Variants in PRR11 observed in about 807,000 individuals in gnomAD.
PRR11 encodes proline-rich protein 11.
In PRR11, 30 loss-of-function variants were observed where a neutral mutation model predicts 45.6. The observed-to-expected ratio is 0.66, with a 90% confidence interval of 0.49 to 0.89. The LOEUF is 0.89. Ranked by LOEUF, PRR11 falls within the 40% of genes least tolerant of loss-of-function variation. The probability of loss-of-function intolerance (pLI) is 0.00; values close to 1 mark genes in which losing one functional copy is unlikely to be tolerated. For missense variants in PRR11, 373 were observed against 424.8 expected (o/e 0.88, Z 1.07); for synonymous variants, 128 against 153.5 (o/e 0.83, Z 1.23).
chr17:59,194,027 C>G (rs980814719), intron 5 of PRR11, among the ~76,000 whole-genome samples: 4 of 152,020 alleles, frequency 2.6e-5, no homozygotes, highest in Non-Finnish European at 5.9e-5. Flanking sequence ...CCCTAGGAAA[C>G]CAAATTTAGA....
intron 8 of PRR11, 21 bp downstream of exon 8, chr17:59,197,624 T>C: frequency 6.2e-7 from 1 of 1,612,108 alleles, no homozygotes. Flanking sequence ...CTCATATCTT[T>C]ATGCCTTCTA....
chr17:59,189,858 G>A (rs2046832885), intron 4 of PRR11, among the ~76,000 whole-genome samples: 1 of 151,970 alleles, frequency 6.6e-6, no homozygotes, highest in Non-Finnish European at 1.5e-5. Context: ...GCTGGTCATG[G>A]CATACACACC....
At chr17:59,175,383 G>T (rs2046738491) in intron 2 of PRR11, among the ~76,000 whole-genome samples, 1 of 152,234 alleles carries the variant, frequency 6.6e-6, no homozygotes. Context: ...CCAGCACATT[G>T]GGAGGCTGAG....
intron 2 of PRR11, among the ~76,000 whole-genome samples, chr17:59,176,075 G>A (rs2046743625): frequency 6.6e-6 from 1 of 152,126 alleles, no homozygotes; most frequent in African/African-American, 2.4e-5. Context: ...GCAAGATGAG[G>A]GAAGGCATCA....
intron 4 of PRR11, among the ~76,000 whole-genome samples, chr17:59,186,414 T>A (rs1029332658): frequency 3.3e-4 from 45 of 136,346 alleles, no homozygotes; most frequent in African/African-American, 1.3e-3. Context: ...TTTTTTTTTT[T>A]AGACAGAATC....
rs143028505 is a variant in PRR11, at chr17:59,155,794, G to A, written c.-17G>A. ...AGCCCGGACTCCATCGACTCCCCCGGCTCTTAGACTAGTAAGTGCAGGAAC... is the reference window on the plus strand; with the variant it reads ...AGCCCGGACTCCATCGACTCCCCCGACTCTTAGACTAGTAAGTGCAGGAAC... On this transcript the variant is annotated 5_prime_UTR_variant, in exon 1 of 10. Coordinates refer to ENST00000262293, the MANE Select transcript of PRR11 (RefSeq NM_018304.4). 740 of 158,342 alleles carry A rather than the reference G, an allele frequency of 4.7e-3. 4 individuals are homozygous for A. The highest frequency in any genetic ancestry group is 0.017 in the African/African-American group (700 of 41,564). 9.8% of individuals were successfully genotyped at this position (158,342 alleles called of 1,614,324 possible). A position where few individuals can be genotyped will look rare whatever the true frequency, so the allele number is the denominator to read the frequency against.
intron 4 of PRR11, among the ~76,000 whole-genome samples, chr17:59,186,669 G>T (rs2046815886): frequency 6.6e-6 from 1 of 152,014 alleles, no homozygotes; most frequent in Non-Finnish European, 1.5e-5. Context: ...TGTTGGGATT[G>T]CAGGCGTGAG....
rs560762015 is a variant in PRR11 at position 59,204,257 on chromosome 17, G to T, written c.*2626G>T. The stretch of plus-strand genomic sequence containing the variant: ...CAAAAATCAAAAAAATTAGCCAGGT[G>T]TGATGTTGTGTGCCTGTAGTCCCAG... On this transcript the variant is annotated 3_prime_UTR_variant, in exon 10 of 10. Coordinates refer to ENST00000262293, the MANE Select transcript of PRR11 (RefSeq NM_018304.4). The T allele has an allele frequency of 2.6e-4, 39 of 152,050 alleles. No individual in the cohort carries two copies. Among genetic ancestry groups the T allele is most frequent in the Non-Finnish European group, 5.0e-4 (34 of 68,046 alleles). The allele number at this position is 152,050 out of a possible 1,614,324, so 9.4% of individuals were successfully genotyped here.
chr17:59,196,531 A>T (rs2046866841), intron 7 of PRR11, among the ~76,000 whole-genome samples: 1 of 151,714 alleles, frequency 6.6e-6, no homozygotes, highest in African/African-American at 2.4e-5. Context: ...CGTGTGCCAC[A>T]GTGCTGGCTA....
chr17:59,189,110 C>G (rs2046828414), intron 4 of PRR11, among the ~76,000 whole-genome samples: 1 of 151,298 alleles, frequency 6.6e-6, no homozygotes, highest in Non-Finnish European at 1.5e-5. Flanking sequence ...ACCATCCTAG[C>G]CAACATGATG....
At chr17:59,163,192 G>C (rs1208528031) in intron 1 of PRR11, among the ~76,000 whole-genome samples, 1 of 151,974 alleles carries the variant, frequency 6.6e-6, no homozygotes, top group East Asian at 1.9e-4. Flanking sequence ...CCGGGTTCAA[G>C]AGATTCTCCT....
At chr17:59,196,271 A>G (rs1205938276) in intron 7 of PRR11, among the ~76,000 whole-genome samples, 2 of 152,196 alleles carry the variant, frequency 1.3e-5, no homozygotes, top group East Asian at 3.8e-4. Flanking sequence ...CAATATGATT[A>G]TACACAGACA....
intron 1 of PRR11, among the ~76,000 whole-genome samples, chr17:59,161,552 C>T (rs536679018): frequency 1.4e-4 from 21 of 151,850 alleles, no homozygotes; most frequent in African/African-American, 4.8e-4. Flanking sequence ...GAGTTTGAGA[C>T]CACCTAGGCA....
In PRR11 at chr17:59,203,208, T is replaced by TTTTG. The variant is rs374237565; in HGVS notation, c.*1597_*1600dup. 2.4e-4 allele frequency among the ~76,000 whole-genome samples: 36 copies of TTTTG among 151,968 alleles called. No homozygotes were observed. The highest frequency in any genetic ancestry group is 6.2e-4 in the South Asian group (3 of 4,806). On this transcript the variant is annotated 3_prime_UTR_variant, in exon 10 of 10. Transcript: ENST00000262293. ...GAGACCCACATCTATATATAGAGATTTTTGTTTGTTTGTTTGTTTGTTTTG... is the reference window on the plus strand; with the variant it reads ...GAGACCCACATCTATATATAGAGATTTTTGTTTGTTTGTTTGTTTGTTTGTTTTG...
intron 2 of PRR11, among the ~76,000 whole-genome samples, chr17:59,180,489 C>A (rs1411484652): frequency 7.7e-6 from 1 of 130,630 alleles, no homozygotes; most frequent in African/African-American, 3.5e-5. Flanking sequence ...CTTCTGGGCC[C>A]GTCCTTGTTT....
At chr17:59,193,859 T>C in intron 5 of PRR11, 125 bp downstream of exon 5, 7 of 1,108,724 alleles carry the variant, frequency 6.3e-6, no homozygotes, top group Non-Finnish European at 9.0e-6. Flanking sequence ...TATATTTTGT[T>C]CTGATTCCGT....
At chr17:59,179,769 C>T (rs994165675) in intron 2 of PRR11, 9 of 1,381,874 alleles carry the variant, frequency 6.5e-6, no homozygotes, top group Non-Finnish European at 8.1e-6. Context: ...GGCTCAGGGG[C>T]GAGCTCCTTC....
chr17:59,165,818 CA>C (rs1284139244), intron 1 of PRR11, among the ~76,000 whole-genome samples: 1 of 148,730 alleles, frequency 6.7e-6, no homozygotes, highest in South Asian at 2.1e-4. Flanking sequence ...ACAAACAAAA[CA>C]AAAAAATCCT....
At chr17:59,180,317 G>T (rs1342860874) in intron 2 of PRR11, among the ~76,000 whole-genome samples, 3 of 150,446 alleles carry the variant, frequency 2.0e-5, no homozygotes, top group Admixed American at 6.6e-5. Context: ...TTTTAGTAGG[G>T]ATGGGGTTTC....
Sources: allele counts gnomAD v4.1 joint callset (sites outside exome capture counted in the v4.1 genomes callset), GRCh38; gene constraint gnomAD v4.1.1; transcripts MANE v1.5; gene names NCBI Gene and HGNC (gene_info 2026-07-23, HGNC 2026-07-21).